The following CADM2 variants were observed in gnomAD, a reference collection of about 807,000 sequenced individuals.
The protein encoded by CADM2 is immunoglobulin superfamily member 4D.
A neutral mutation model predicts 49.8 loss-of-function variants in CADM2; 12 were observed. The observed-to-expected ratio is 0.24, with a 90% CI of 0.15 to 0.39. CADM2 has a LOEUF of 0.39. Ranked by LOEUF, CADM2 falls within the 10% of genes least tolerant of loss-of-function variation. The pLI is 1.00. For missense variants in CADM2, 378 were observed against 492.3 expected, an observed-to-expected ratio of 0.77 and a Z score of 2.20; for synonymous variants, 214 against 175.4, an observed-to-expected ratio of 1.22 and a Z score of -1.74.
chr3:85,905,010 G>GA (rs1716608889), intron 5 of CADM2, among the ~76,000 whole-genome samples: 1 of 151,900 alleles, frequency 6.6e-6, no homozygotes. Context: ...AATTTATATG[G>GA]AAAAATGTTT....
chr3:85,215,459 G>T (rs1240666699), intron 1 of CADM2, among the ~76,000 whole-genome samples: 1 of 150,536 alleles, frequency 6.6e-6, no homozygotes, highest in Non-Finnish European at 1.5e-5. Flanking sequence ...ATGGGAGGTT[G>T]AAGTCCTTTT....
chr3:85,061,165 A>G (rs938469339), intron 1 of CADM2, among the ~76,000 whole-genome samples: 5 of 152,172 alleles, frequency 3.3e-5, no homozygotes, highest in East Asian at 1.9e-4. Flanking sequence ...GGTAGTTTCT[A>G]TTGAAAACTA....
At chr3:85,440,620 A>T (rs2037155219) in intron 1 of CADM2, among the ~76,000 whole-genome samples, 1 of 152,162 alleles carries the variant, frequency 6.6e-6, no homozygotes, top group East Asian at 1.9e-4. Flanking sequence ...TGTGATGATA[A>T]TATAAGCATT....
At chr3:85,050,936 CT>C (rs1192898384) in intron 1 of CADM2, among the ~76,000 whole-genome samples, 15 of 152,148 alleles carry the variant, frequency 9.9e-5, no homozygotes, top group African/African-American at 3.6e-4. Context: ...GTACTCCTTT[CT>C]TGTGTCAGTT....
In CADM2 at chr3:85,948,068, G is replaced by A. The variant is rs7430825; in HGVS notation, c.791+12211G>A. 4.9e-3 allele frequency among the ~76,000 whole-genome samples: 741 copies of A among 151,440 alleles called. 8 individuals carry two copies. The highest frequency in any genetic ancestry group is 0.026 in the Admixed American group (389 of 15,122). On this transcript the variant is annotated intron_variant, in intron 7 of 9. Coordinates refer to ENST00000383699, the MANE Select transcript of CADM2 (RefSeq NM_001167675.2). ...AGATTTTTCAGACATGCACTCTTTTGCTTATAGATTTAAAATTTGTATTTT... is the reference window on the plus strand; with the variant it reads ...AGATTTTTCAGACATGCACTCTTTTACTTATAGATTTAAAATTTGTATTTT...
chr3:85,338,284 T>C (rs1452462235), intron 1 of CADM2, among the ~76,000 whole-genome samples: 1 of 151,624 alleles, frequency 6.6e-6, no homozygotes, highest in Non-Finnish European at 1.5e-5. Context: ...AAAAATTTAT[T>C]AGATACATGT....
At position 85,176,627 on chromosome 3, in the gene CADM2, A is replaced by G. The variant is rs551367703; in HGVS notation, c.61+216959A>G. Among the ~76,000 whole-genome samples, 9 of 152,262 alleles carry G rather than the reference A, an allele frequency of 5.9e-5. No homozygotes were observed. In the South Asian group the frequency reaches 1.2e-3, roughly 21 times the overall value. On this transcript the variant is annotated intron_variant, in intron 1 of 9. Transcript: ENST00000383699. ...TAAATGATGGATCAAGTGTAATGGG[A>G]TTAAGGATTTTTTCCATCCTTTTTA...
intron 1 of CADM2, among the ~76,000 whole-genome samples, chr3:85,721,765 C>A (rs1347943236): frequency 6.6e-6 from 1 of 152,226 alleles, no homozygotes; most frequent in Non-Finnish European, 1.5e-5. Context: ...CAGGTCTTGG[C>A]TCCCCGAAGG....
chr3:85,119,618 C>G (rs560419362), intron 1 of CADM2, among the ~76,000 whole-genome samples: 2 of 152,126 alleles, frequency 1.3e-5, no homozygotes, highest in Non-Finnish European at 2.9e-5. Flanking sequence ...GATATTGATT[C>G]TTCCTATCCA....
At chr3:85,891,435 T>G (rs1714421217) in intron 5 of CADM2, among the ~76,000 whole-genome samples, 1 of 152,186 alleles carries the variant, frequency 6.6e-6, no homozygotes, top group Non-Finnish European at 1.5e-5. Flanking sequence ...GTATAAACCC[T>G]TCCCCTAGCA....
At chr3:86,037,619 A>T (rs1431589108) in intron 8 of CADM2, among the ~76,000 whole-genome samples, 5 of 152,160 alleles carry the variant, frequency 3.3e-5, no homozygotes, top group Admixed American at 3.3e-4. Flanking sequence ...CTGAAAGGCT[A>T]GGTTTTACAT....
At chr3:85,107,042 G>C (rs556724069) in intron 1 of CADM2, among the ~76,000 whole-genome samples, 2 of 152,180 alleles carry the variant, frequency 1.3e-5, no homozygotes, top group South Asian at 4.1e-4. Context: ...AGCCAAAGAG[G>C]TAAGATAACA....
chr3:85,478,183 C>T (rs1196769989), intron 1 of CADM2, among the ~76,000 whole-genome samples: 1 of 151,790 alleles, frequency 6.6e-6, no homozygotes, highest in Non-Finnish European at 1.5e-5. Flanking sequence ...CAGCATAATA[C>T]GTGGTAGTCC....
chr3:85,272,946 A>G (rs1034723576), intron 1 of CADM2, among the ~76,000 whole-genome samples: 3 of 151,296 alleles, frequency 2.0e-5, no homozygotes, highest in African/African-American at 7.3e-5. Context: ...TCATAAGTGT[A>G]TAAGTGTTAT....
chr3:85,496,551 T>G (rs750702123), intron 1 of CADM2, among the ~76,000 whole-genome samples: 2 of 152,192 alleles, frequency 1.3e-5, no homozygotes, highest in Non-Finnish European at 2.9e-5. Flanking sequence ...CCTAGGCATA[T>G]GTACTCACTA....
chr3:85,568,457 TTC>T (rs1218341503), intron 1 of CADM2, among the ~76,000 whole-genome samples: 40 of 36,026 alleles, frequency 1.1e-3, no homozygotes, highest in African/African-American at 3.6e-3. Flanking sequence ...CTTTCTTTCT[TTC>T]TTTCTCTTTC....
chr3:85,726,341 C>G (rs961265894), intron 1 of CADM2, 181 bp from the exon 2 acceptor site: 1 of 626,672 alleles, frequency 1.6e-6, no homozygotes, highest in South Asian at 2.0e-5. Context: ...ACTCAAGGAT[C>G]TTACTCATAA....
Position 86,074,294 on chromosome 3 carries a change from T to C in CADM2, c.*7511T>C, listed in dbSNP as rs1703426351. Reference sequence around the variant, plus strand: ...GGAAGTTCACTTACCATAAAGTATTTTATAGTCTACTTTAAATAACAGATT... The same window carrying C: ...GGAAGTTCACTTACCATAAAGTATTCTATAGTCTACTTTAAATAACAGATT... On this transcript the variant is annotated 3_prime_UTR_variant, in exon 10 of 10. Coordinates refer to ENST00000383699, the MANE Select transcript of CADM2 (RefSeq NM_001167675.2). The C allele has an allele frequency of 6.6e-6, 1 of 151,962 alleles. No individual in the cohort carries two copies. Among genetic ancestry groups the C allele is most frequent in the Admixed American group, 6.6e-5 (1 of 15,246 alleles). 9.4% of individuals were successfully genotyped at this position (151,962 alleles called of 1,614,324 possible).
At chr3:85,856,383 G>T (rs1186814674) in intron 3 of CADM2, among the ~76,000 whole-genome samples, 1 of 152,024 alleles carries the variant, frequency 6.6e-6, no homozygotes, top group Non-Finnish European at 1.5e-5. Context: ...TTTTCATAAC[G>T]GATCTATTGG....
Sources: gnomAD v4.1 joint callset for allele counts (sites outside exome capture counted in the v4.1 genomes callset) on GRCh38, gnomAD v4.1.1 for gene constraint, MANE v1.5 for transcripts, NCBI Gene and HGNC (gene_info 2026-07-23, HGNC 2026-07-21) for gene names.